PITPNC1: variants seen among roughly 807,000 people sequenced by gnomAD.
PITPNC1 encodes phosphatidylinositol transfer protein cytoplasmic 1.
PITPNC1 carries 18 observed loss-of-function variants against 44.7 expected under a neutral mutation model. That is an observed-to-expected ratio of 0.40 (90% CI 0.28 to 0.60). The LOEUF (loss-of-function observed/expected upper bound fraction) is 0.60. PITPNC1 is among the 20% of genes least tolerant of loss of function. The probability of loss-of-function intolerance (pLI) is 0.39; values close to 1 mark genes in which losing one functional copy is unlikely to be tolerated. For synonymous variants in PITPNC1, 141 were observed against 149.6 expected, an observed-to-expected ratio of 0.94 and a Z score of 0.42; for missense variants, 290 against 418.4, an observed-to-expected ratio of 0.69 and a Z score of 2.68.
intron 8 of PITPNC1, among the ~76,000 whole-genome samples, chr17:67,683,019 G>C (rs12602625): frequency 0.12 from 18,139 of 152,024 alleles, 1,502 homozygotes; most frequent in African/African-American, 0.23. Context: ...AATTAGCTGG[G>C]TGTGGTGGCG....
intron 1 of PITPNC1, among the ~76,000 whole-genome samples, chr17:67,518,644 A>AAAC (rs2040287311): frequency 1.3e-5 from 2 of 152,150 alleles, no homozygotes; most frequent in Non-Finnish European, 2.9e-5. Flanking sequence ...GGTTATCAAA[A>AAAC]AAACAAACAA....
intron 1 of PITPNC1, among the ~76,000 whole-genome samples, chr17:67,414,741 T>A (rs2038561643): frequency 6.6e-6 from 1 of 152,134 alleles, no homozygotes; most frequent in African/African-American, 2.4e-5. Flanking sequence ...ATAGGAATAA[T>A]GACAAATCAC....
At chr17:67,664,917 AAAAGAAG>A in intron 6 of PITPNC1, among the ~76,000 whole-genome samples, 1 of 151,692 alleles carries the variant, frequency 6.6e-6, no homozygotes, top group African/African-American at 2.4e-5. Flanking sequence ...AAAAAAAAAA[AAAAGAAG>A]AAGAAGACTT....
At chr17:67,480,194 T>C (rs1369902920) in intron 1 of PITPNC1, among the ~76,000 whole-genome samples, 2 of 152,180 alleles carry the variant, frequency 1.3e-5, no homozygotes, top group African/African-American at 4.8e-5. Flanking sequence ...GGAACCTTAG[T>C]TGGTTTCCAG....
intron 1 of PITPNC1, among the ~76,000 whole-genome samples, chr17:67,382,656 G>A (rs186921562): frequency 6.6e-6 from 1 of 152,104 alleles, no homozygotes; most frequent in Admixed American, 6.6e-5. Flanking sequence ...ACACTCTCTC[G>A]CTCTGTCGCC....
At chr17:67,381,276 T>C (rs1598595985) in intron 1 of PITPNC1, among the ~76,000 whole-genome samples, 1 of 132,882 alleles carries the variant, frequency 7.5e-6, no homozygotes, top group East Asian at 2.4e-4. Flanking sequence ...TGCAGTGAGC[T>C]GAGATCACGC....
At chr17:67,427,829 C>T (rs1255006400) in intron 1 of PITPNC1, among the ~76,000 whole-genome samples, 5 of 152,162 alleles carry the variant, frequency 3.3e-5, no homozygotes, top group African/African-American at 1.2e-4. Context: ...TGCATTCCTT[C>T]GTGAGCAAGG....
At position 67,692,911 on chromosome 17, in the gene PITPNC1, GT is replaced by G; in HGVS notation, c.*27del. ...TAACTTTATATAAATATCTCATGGGGTTTTATATTTTCATTTGTTGTTGTTG... is the reference window on the plus strand; with the variant it reads ...TAACTTTATATAAATATCTCATGGGGTTTATATTTTCATTTGTTGTTGTTG... On this transcript the variant is annotated 3_prime_UTR_variant, in exon 9 of 9. Transcript: ENST00000581322. 7.3e-7 allele frequency: 1 copy of G among 1,364,046 alleles called. No individual in the cohort carries two copies. The highest frequency in any genetic ancestry group is 1.0e-6 in the Non-Finnish European group (1 of 980,426). 84.5% of individuals were successfully genotyped at this position (1,364,046 alleles called of 1,614,324 possible).
At chr17:67,559,902 A>T (rs934388967) in intron 4 of PITPNC1, among the ~76,000 whole-genome samples, 3 of 152,098 alleles carry the variant, frequency 2.0e-5, no homozygotes, top group Admixed American at 1.3e-4. Context: ...AAACAAAAAA[A>T]CCCAAAAACA....
chr17:67,509,959 CG>C (rs573998916), intron 1 of PITPNC1, among the ~76,000 whole-genome samples: 67 of 152,304 alleles, frequency 4.4e-4, no homozygotes, highest in African/African-American at 1.6e-3. Flanking sequence ...CGGCTCAAAT[CG>C]GAGACCAATT....
intron 6 of PITPNC1, among the ~76,000 whole-genome samples, chr17:67,663,091 T>A (rs2042371825): frequency 6.6e-6 from 1 of 152,222 alleles, no homozygotes; most frequent in Non-Finnish European, 1.5e-5. Context: ...GTTTCATATG[T>A]TTGTTGGCCA....
At chr17:67,499,451 A>G (rs1397556026) in intron 1 of PITPNC1, among the ~76,000 whole-genome samples, 2 of 151,054 alleles carry the variant, frequency 1.3e-5, no homozygotes, top group Non-Finnish European at 3.0e-5. Context: ...TCCTGGGCTC[A>G]AGCAATCCAC....
At chr17:67,679,640 G>C (rs540949062) in intron 8 of PITPNC1, among the ~76,000 whole-genome samples, 10 of 152,208 alleles carry the variant, frequency 6.6e-5, no homozygotes, top group Admixed American at 5.2e-4. Context: ...TGGCTGTCAC[G>C]AAACTGTTTC....
At chr17:67,444,034 A>T (rs976085049) in intron 1 of PITPNC1, among the ~76,000 whole-genome samples, 3 of 151,944 alleles carry the variant, frequency 2.0e-5, no homozygotes, top group African/African-American at 7.2e-5. Context: ...TTTACTATGG[A>T]AACTTTAAAA....
chr17:67,440,620 C>T (rs1184614713), intron 1 of PITPNC1, among the ~76,000 whole-genome samples: 2 of 151,730 alleles, frequency 1.3e-5, no homozygotes, highest in Non-Finnish European at 2.9e-5. Context: ...CAGTCTCTAC[C>T]TCTCCAAGCT....
chr17:67,660,823 G>A (rs889046085), intron 6 of PITPNC1, among the ~76,000 whole-genome samples: 7 of 148,084 alleles, frequency 4.7e-5, no homozygotes, highest in Non-Finnish European at 1.0e-4. Context: ...TAGGATTACA[G>A]GCATGAGCCA....
rs115324626 is a variant in PITPNC1, at chr17:67,475,436, T to G, written c.49-57366T>G. Among the ~76,000 whole-genome samples the G allele has an allele frequency of 7.3e-3, 1,116 of 152,288 alleles. 10 individuals carry two copies. The highest frequency in any genetic ancestry group is 0.026 in the African/African-American group (1,063 of 41,552). On this transcript the variant is annotated intron_variant, in intron 1 of 8. Coordinates refer to ENST00000581322, the MANE Select transcript of PITPNC1 (RefSeq NM_012417.4). The stretch of plus-strand genomic sequence containing the variant: ...CTCCTTTACAACTCTCATTTGACTG[T>G]CCAAAGATGCTTGCACTGGGGCCTA...
At chr17:67,378,283 C>T in intron 1 of PITPNC1, 81 bp downstream of exon 1, 1 of 957,550 alleles carries the variant, frequency 1.0e-6, no homozygotes, top group Non-Finnish European at 1.5e-6. Context: ...GAGCCCCGGG[C>T]GAGCGGCAGG....
At chr17:67,537,104 A>G (rs1393510995) in intron 2 of PITPNC1, among the ~76,000 whole-genome samples, 1 of 152,256 alleles carries the variant, frequency 6.6e-6, no homozygotes, top group Non-Finnish European at 1.5e-5. Flanking sequence ...AATCAGATTT[A>G]CCCCTGAAAT....
Sources: allele counts gnomAD v4.1 joint callset (sites outside exome capture counted in the v4.1 genomes callset), GRCh38; gene constraint gnomAD v4.1.1; transcripts MANE v1.5; gene names NCBI Gene and HGNC (gene_info 2026-07-23, HGNC 2026-07-21).